Variants in PKHD1 observed in about 807,000 individuals in gnomAD.
PKHD1 encodes fibrocystin.
In PKHD1, 291 loss-of-function variants were observed where a neutral mutation model predicts 412.0. That is an observed-to-expected ratio of 0.71 (90% CI 0.64 to 0.78). The LOEUF is 0.78. PKHD1 is among the 30% of genes least tolerant of loss of function. The probability of loss-of-function intolerance (pLI) is 0.00; values close to 1 mark genes in which losing one functional copy is unlikely to be tolerated. For synonymous variants in PKHD1, 1,777 were observed against 1,821.5 expected (o/e 0.98, Z 0.62); for missense variants, 4,825 against 4,950.7 (o/e 0.97, Z 0.76).
chr6:51,940,503 G>T (rs1788320435), intron 36 of PKHD1, among the ~76,000 whole-genome samples: 1 of 151,682 alleles, frequency 6.6e-6, no homozygotes, highest in African/African-American at 2.4e-5. Flanking sequence ...CACAGCCCGG[G>T]ATTCCTCCTA....
chr6:52,041,746 A>G (rs1299643389), intron 27 of PKHD1, among the ~76,000 whole-genome samples: 1 of 152,100 alleles, frequency 6.6e-6, no homozygotes, highest in Non-Finnish European at 1.5e-5. Flanking sequence ...AACTCACTCC[A>G]ATTTTCCTAG....
At position 51,619,669 on chromosome 6, in the gene PKHD1, C is replaced by T. The variant is rs903139405; in HGVS notation, c.11786-149G>A. ...TGATTTCCAAATATCTTTTATCAGACACTCCAAATATGTAATAAAAAATTG... is the reference window on the plus strand; with the variant it reads ...TGATTTCCAAATATCTTTTATCAGATACTCCAAATATGTAATAAAAAATTG... On this transcript the variant is annotated intron_variant, in intron 66 of 66. Coordinates refer to ENST00000371117, the MANE Select transcript of PKHD1 (RefSeq NM_138694.4). The T allele has an allele frequency of 1.0e-5, 7 of 676,608 alleles. No homozygotes were observed. In the Admixed American group the frequency reaches 1.3e-4, roughly 12 times the overall value. The allele number at this position is 676,608 out of a possible 1,614,324, so 41.9% of individuals were successfully genotyped here. A position where few individuals can be genotyped will look rare whatever the true frequency, so the allele number is the denominator to read the frequency against.
intron 63 of PKHD1, among the ~76,000 whole-genome samples, chr6:51,645,598 T>C (rs753758460): frequency 3.3e-5 from 5 of 152,136 alleles, no homozygotes; most frequent in Non-Finnish European, 5.9e-5. Flanking sequence ...TTCACCATGT[T>C]GGCCAGGCTG....
At chr6:51,880,963 C>G (rs1777223981) in intron 46 of PKHD1, among the ~76,000 whole-genome samples, 1 of 143,992 alleles carries the variant, frequency 6.9e-6, no homozygotes, top group African/African-American at 2.6e-5. Flanking sequence ...GAGACTCCGT[C>G]TCAAAAAAAA....
chr6:51,708,342 C>T (rs1451656029), intron 60 of PKHD1, among the ~76,000 whole-genome samples: 1 of 152,188 alleles, frequency 6.6e-6, no homozygotes, highest in Non-Finnish European at 1.5e-5. Flanking sequence ...TCATTTGCTG[C>T]CTCATTATCT....
chr6:51,841,579 CT>C (rs1362479204), intron 50 of PKHD1, among the ~76,000 whole-genome samples: 1 of 152,090 alleles, frequency 6.6e-6, no homozygotes, highest in Non-Finnish European at 1.5e-5. Context: ...GGTAAAAATC[CT>C]TGGGGATCTT....
chr6:52,010,138 A>T (rs1350857247), intron 35 of PKHD1, among the ~76,000 whole-genome samples, 171 bp downstream of exon 35: 4 of 152,204 alleles, frequency 2.6e-5, no homozygotes, highest in Non-Finnish European at 5.9e-5. Context: ...ATGATTAACC[A>T]GAGTTAACTA....
intron 47 of PKHD1, among the ~76,000 whole-genome samples, chr6:51,869,937 C>T (rs1043985854): frequency 8.5e-5 from 13 of 152,126 alleles, no homozygotes; most frequent in Admixed American, 2.6e-4. Flanking sequence ...TTACTCTCTA[C>T]CTCTTTCACC....
Position 52,058,483 on chromosome 6 carries a change from A to T in PKHD1, c.1352T>A (p.Met451Lys). 1 of 1,614,160 alleles carries T rather than the reference A, an allele frequency of 6.2e-7. No homozygotes were observed. Among genetic ancestry groups the T allele is most frequent in the Non-Finnish European group, 8.5e-7 (1 of 1,179,988 alleles). Residue 451 changes from methionine to lysine, a missense_variant, in exon 16 of 67, where the codon ATG (methionine) becomes AAG (lysine). Met to Lys is a moderately conservative substitution (Grantham distance 95, BLOSUM62 -1). Coordinates refer to ENST00000371117, the MANE Select transcript of PKHD1 (RefSeq NM_138694.4). ...TPKLELLGGA[M>K]YYLEAEHHGI... is the part of the protein sequence containing the mutation. ...ATGATGCTCTGCTTCCAGGTAGTAC[A>T]TGGCTCCACCCAACAGCTCCAACTT...
At chr6:52,039,232 G>A (rs1450446770) in intron 27 of PKHD1, among the ~76,000 whole-genome samples, 1 of 152,202 alleles carries the variant, frequency 6.6e-6, no homozygotes, top group Non-Finnish European at 1.5e-5. Context: ...AAGCACTGGT[G>A]AGGGTGTGGA....
At chr6:52,055,818 T>C in intron 18 of PKHD1, 89 bp from the exon 19 acceptor site, 2 of 1,402,252 alleles carry the variant, frequency 1.4e-6, no homozygotes, top group Non-Finnish European at 2.0e-6. Flanking sequence ...GATTTTAGAG[T>C]ATCTCACTTA....
At chr6:51,770,893 T>A (rs925295426) in intron 55 of PKHD1, among the ~76,000 whole-genome samples, 5 of 152,060 alleles carry the variant, frequency 3.3e-5, no homozygotes, top group Admixed American at 3.3e-4. Flanking sequence ...ATTTTGTCAA[T>A]GTGGTTAACA....
chr6:51,965,542 C>T (rs778709382), intron 35 of PKHD1, among the ~76,000 whole-genome samples: 1 of 151,724 alleles, frequency 6.6e-6, no homozygotes, highest in Non-Finnish European at 1.5e-5. Context: ...TCTTACTGAC[C>T]TCATGCAGGC....
Position 51,659,382 on chromosome 6 carries a change from C to T in PKHD1, c.10744G>A (p.Glu3582Lys), listed in dbSNP as rs148300854. 4.1e-5 allele frequency: 66 copies of T among 1,613,568 alleles called. No individual in the cohort carries two copies. Among genetic ancestry groups the T allele is most frequent in the African/African-American group, 3.1e-4 (23 of 74,854 alleles). ...ATCTGTAAGAAGTTAGTTAGTCTTT[C>T]GAGTATTACTATTTCCCAGCCTTTT... ...LEKGWEIVIL[E>K]RLTNFLQIGQ... Residue 3582 changes from glutamate to lysine, a missense_variant, in exon 61 of 67, where the codon GAA becomes AAA. By Grantham distance (56) the Glu-to-Lys change is moderately conservative. Coordinates refer to ENST00000371117, the MANE Select transcript of PKHD1 (RefSeq NM_138694.4).
At chr6:52,063,656 C>T (rs986468971) in intron 13 of PKHD1, among the ~76,000 whole-genome samples, 2 of 152,164 alleles carry the variant, frequency 1.3e-5, no homozygotes, top group Non-Finnish European at 2.9e-5. Flanking sequence ...GTGTCCTATG[C>T]ATTGCACAAT....
chr6:51,798,377 C>CA (rs139529771), intron 52 of PKHD1, among the ~76,000 whole-genome samples: 89,035 of 151,114 alleles, frequency 0.59, 26,846 homozygotes, highest in East Asian at 0.83. Context: ...GACTCCATCT[C>CA]AAAAAAAATA....
chr6:51,752,144 G>T (rs950827256), intron 57 of PKHD1, among the ~76,000 whole-genome samples: 7 of 152,152 alleles, frequency 4.6e-5, no homozygotes, highest in African/African-American at 1.7e-4. Flanking sequence ...CTCAACCTTA[G>T]AATGGGGTTC....
chr6:51,839,051 C>T (rs1416870917), intron 50 of PKHD1, among the ~76,000 whole-genome samples: 1 of 152,186 alleles, frequency 6.6e-6, no homozygotes, highest in East Asian at 1.9e-4. Context: ...ACTCTTTTTA[C>T]AGCTGTATCT....
intron 63 of PKHD1, among the ~76,000 whole-genome samples, chr6:51,646,237 C>T (rs1316422018): frequency 6.6e-6 from 1 of 152,136 alleles, no homozygotes; most frequent in Non-Finnish European, 1.5e-5. Flanking sequence ...TTGGGACTCC[C>T]TCCGATGAGA....
Sources: gnomAD v4.1 joint callset for allele counts (sites outside exome capture counted in the v4.1 genomes callset) on GRCh38, gnomAD v4.1.1 for gene constraint, MANE v1.5 for transcripts, NCBI Gene and HGNC (gene_info 2026-07-23, HGNC 2026-07-21) for gene names.